Variants in RBFOX1 observed in about 807,000 individuals in gnomAD.
RBFOX1 encodes RNA binding protein fox-1 homolog 1.
A neutral mutation model predicts 57.7 loss-of-function variants in RBFOX1; 8 were observed. That is an observed-to-expected ratio of 0.14 (90% CI 0.08 to 0.25). RBFOX1 has a LOEUF of 0.25. Among genes scored for constraint, RBFOX1 ranks in the 10% least tolerant of loss-of-function variants. The pLI is 1.00. For missense variants in RBFOX1, 611 were observed against 548.5 expected (o/e 1.11, Z -1.14); for synonymous variants, 326 against 222.4 (o/e 1.47, Z -4.15).
chr16:5,241,602 C>A (rs1009464973), intron 1 of RBFOX1, among the ~76,000 whole-genome samples: 2 of 152,226 alleles, frequency 1.3e-5, no homozygotes, highest in African/African-American at 4.8e-5. Context: ...CCTGTCTGAG[C>A]CTTACTGTCT....
chr16:7,684,546 T>A (rs1243590731), intron 14 of RBFOX1, among the ~76,000 whole-genome samples: 1 of 152,032 alleles, frequency 6.6e-6, no homozygotes. Context: ...TGCTTTGGCC[T>A]GAGATTATAG....
chr16:6,705,454 ATCT>A (rs1475123746), intron 3 of RBFOX1: 4 of 152,144 alleles, frequency 2.6e-5, no homozygotes, highest in Non-Finnish European at 4.4e-5. Context: ...GTACACATAG[ATCT>A]TCTTGTTCCG....
intron 4 of RBFOX1, among the ~76,000 whole-genome samples, chr16:5,971,257 T>G (rs182954064): frequency 6.6e-5 from 10 of 152,378 alleles, no homozygotes; most frequent in Admixed American, 6.5e-4. Context: ...GAGCTGATTC[T>G]GAGCCAAATC....
intron 1 of RBFOX1, among the ~76,000 whole-genome samples, chr16:6,308,627 G>A (rs897706969): frequency 4.6e-5 from 7 of 152,186 alleles, no homozygotes; most frequent in African/African-American, 1.7e-4. Context: ...GCCCCTTGGA[G>A]CTAGGCTGAG....
intron 1 of RBFOX1, among the ~76,000 whole-genome samples, chr16:5,307,714 C>G (rs958285538): frequency 1.3e-5 from 2 of 152,152 alleles, no homozygotes; most frequent in Non-Finnish European, 2.9e-5. Context: ...CTCACTCTGT[C>G]CCCCAGGCTG....
chr16:5,586,026 C>G (rs2046818068), intron 2 of RBFOX1, among the ~76,000 whole-genome samples: 1 of 152,088 alleles, frequency 6.6e-6, no homozygotes, highest in Non-Finnish European at 1.5e-5. Context: ...CGACTGGTGT[C>G]TTTAAAAAAG....
chr16:7,091,364 A>C (rs1394938577), intron 4 of RBFOX1, among the ~76,000 whole-genome samples: 1 of 151,394 alleles, frequency 6.6e-6, no homozygotes, highest in African/African-American at 2.4e-5. Flanking sequence ...CCTTTTAAAA[A>C]CTTTTTTTTT....
rs138375168 is a variant in RBFOX1 at position 6,710,330 on chromosome 16, C to G, written c.-16+55680C>G. Reference sequence around the variant, plus strand: ...GTTTTTTAATGACTGCATTTTTTAACAGTAAAAATAAACAGGTGAAATTAA... The same window carrying G: ...GTTTTTTAATGACTGCATTTTTTAAGAGTAAAAATAAACAGGTGAAATTAA... On this transcript the variant is annotated intron_variant, in intron 3 of 15. Transcript: ENST00000550418. Among the ~76,000 whole-genome samples, 1,030 of 152,250 alleles carry G rather than the reference C, an allele frequency of 6.8e-3. 16 individuals carry two copies. The highest frequency in any genetic ancestry group is 0.023 in the African/African-American group (963 of 41,554).
At chr16:5,601,599 C>G (rs767781730), downstream of RBFOX1, 7 of 152,178 alleles carry the variant, frequency 4.6e-5, no homozygotes, top group Non-Finnish European at 8.8e-5. Context: ...CTACCACACT[C>G]TTCATAATCT....
chr16:6,144,788 C>T (rs1258739086), intron 1 of RBFOX1, among the ~76,000 whole-genome samples: 1 of 152,180 alleles, frequency 6.6e-6, no homozygotes, highest in African/African-American at 2.4e-5. Flanking sequence ...AAAAACAGCT[C>T]AGATAGATGT....
At chr16:6,246,223 T>G (rs1333472391) in intron 1 of RBFOX1, among the ~76,000 whole-genome samples, 1 of 152,134 alleles carries the variant, frequency 6.6e-6, no homozygotes, top group Non-Finnish European at 1.5e-5. Context: ...ACCTCAAGCT[T>G]TGTGACTGGA....
At chr16:6,919,102 A>G (rs539870476) in intron 3 of RBFOX1, among the ~76,000 whole-genome samples, 1 of 152,172 alleles carries the variant, frequency 6.6e-6, no homozygotes, top group African/African-American at 2.4e-5. Flanking sequence ...GTCTCAGCCT[A>G]CTGAGTAGCT....
At chr16:5,381,579 C>T (rs922639661) in intron 1 of RBFOX1, among the ~76,000 whole-genome samples, 12 of 152,154 alleles carry the variant, frequency 7.9e-5, no homozygotes, top group African/African-American at 2.7e-4. Context: ...TGCTGGGGCT[C>T]GAGCCTGCAT....
intron 1 of RBFOX1, among the ~76,000 whole-genome samples, chr16:6,178,458 G>A (rs2097032558): frequency 6.6e-6 from 1 of 151,836 alleles, no homozygotes; most frequent in Admixed American, 6.6e-5. Flanking sequence ...GCTGGGATAA[G>A]GTCACTCTTT....
chr16:5,979,491 T>G (rs935761939), intron 4 of RBFOX1, among the ~76,000 whole-genome samples: 1 of 152,244 alleles, frequency 6.6e-6, no homozygotes, highest in Non-Finnish European at 1.5e-5. Flanking sequence ...GCATTTACTA[T>G]GTGATATGAG....
At chr16:7,078,695 T>C (rs1177208989) in intron 4 of RBFOX1, among the ~76,000 whole-genome samples, 1 of 146,338 alleles carries the variant, frequency 6.8e-6, no homozygotes, top group African/African-American at 2.6e-5. Flanking sequence ...TATTTTATTT[T>C]TTTTTGAGAC....
At chr16:5,819,807 A>G (rs576787600) in intron 3 of RBFOX1, among the ~76,000 whole-genome samples, 1 of 152,334 alleles carries the variant, frequency 6.6e-6, no homozygotes, top group East Asian at 1.9e-4. Flanking sequence ...ATGCTAGATC[A>G]TGCCCTAGGC....
At chr16:7,121,332 C>G (rs1050163499) in intron 4 of RBFOX1, among the ~76,000 whole-genome samples, 7 of 152,054 alleles carry the variant, frequency 4.6e-5, no homozygotes, top group Non-Finnish European at 1.0e-4. Flanking sequence ...CATCTTTAAT[C>G]ACAGATAATA....
At chr16:6,679,570 G>T (rs887070354) in intron 3 of RBFOX1, among the ~76,000 whole-genome samples, 3 of 152,134 alleles carry the variant, frequency 2.0e-5, no homozygotes. Flanking sequence ...CTTCTAGGAG[G>T]TAGCCTCATT....
Sources: gnomAD v4.1 joint callset for allele counts (sites outside exome capture counted in the v4.1 genomes callset) on GRCh38, gnomAD v4.1.1 for gene constraint, MANE v1.5 for transcripts, NCBI Gene and HGNC (gene_info 2026-07-23, HGNC 2026-07-21) for gene names.